Variants in CCSER1 observed in about 807,000 individuals in gnomAD.
CCSER1 encodes coiled-coil serine rich protein 1.
CCSER1 carries 41 observed loss-of-function variants against 82.0 expected under a neutral mutation model. That is an observed-to-expected ratio of 0.50 (90% CI 0.39 to 0.65). The LOEUF is 0.65. Ranked by LOEUF, CCSER1 falls within the 30% of genes least tolerant of loss-of-function variation. The pLI is 0.00. For missense variants in CCSER1, 1,119 were observed against 1,064.2 expected, an observed-to-expected ratio of 1.05 and a Z score of -0.72; for synonymous variants, 414 against 383.9, an observed-to-expected ratio of 1.08 and a Z score of -0.92.
intron 8 of CCSER1, among the ~76,000 whole-genome samples, chr4:90,893,773 GT>G (rs1451648366): frequency 2.3e-4 from 30 of 128,408 alleles, no homozygotes; most frequent in African/African-American, 8.8e-4. Context: ...GTGTGTGTGT[GT>G]GCGTGTGTGT....
intron 1 of CCSER1, among the ~76,000 whole-genome samples, chr4:90,284,582 C>T (rs1407447019): frequency 1.3e-5 from 2 of 151,486 alleles, no homozygotes; most frequent in African/African-American, 4.9e-5. Context: ...CAACCTCAGC[C>T]TCCTGGGCTT....
chr4:90,674,283 A>G (rs1733379063), intron 6 of CCSER1, among the ~76,000 whole-genome samples: 1 of 151,912 alleles, frequency 6.6e-6, no homozygotes, highest in South Asian at 2.1e-4. Flanking sequence ...CCCCAGAGGA[A>G]TCATTTACTC....
chr4:90,580,376 C>T (rs1781295230), intron 5 of CCSER1, among the ~76,000 whole-genome samples: 1 of 152,138 alleles, frequency 6.6e-6, no homozygotes, highest in South Asian at 2.1e-4. Context: ...ACTTACCTCA[C>T]TCTTAGTGTT....
chr4:90,261,238 T>C (rs983495205), intron 1 of CCSER1, among the ~76,000 whole-genome samples: 1 of 151,756 alleles, frequency 6.6e-6, no homozygotes, highest in African/African-American at 2.4e-5. Flanking sequence ...TTGGTGCACA[T>C]TGAGCTTTTG....
rs369745060 is a variant in CCSER1 at position 90,310,116 on chromosome 4, A to G, written c.1324+508A>G. On this transcript the variant is annotated intron_variant, in intron 2 of 10. Transcript: ENST00000509176. ...TATTAATTAGGATCCATGTTTCAAC[A>G]TAAATAATTCCTATCTCTAGATACA... Among the ~76,000 whole-genome samples the G allele has an allele frequency of 3.3e-5, 5 of 152,212 alleles. No individual in the cohort carries two copies. In the East Asian group the frequency reaches 7.7e-4, roughly 23 times the overall value.
chr4:91,555,835 G>C (rs1228108787), intron 10 of CCSER1, among the ~76,000 whole-genome samples: 2 of 151,098 alleles, frequency 1.3e-5, no homozygotes, highest in Non-Finnish European at 3.0e-5. Flanking sequence ...CATCAGAAAG[G>C]TCAATGTGCT....
Position 90,182,139 on chromosome 4 carries a change from T to A in CCSER1, c.-42+54308T>A, listed in dbSNP as rs1006814347. On this transcript the variant is annotated intron_variant, in intron 1 of 10. Coordinates refer to ENST00000509176, the MANE Select transcript of CCSER1 (RefSeq NM_001145065.2). The stretch of plus-strand genomic sequence containing the variant: ...CCTAAAGATAACTTTAATTATGTAC[T>A]ACAAATAAATTGTTTTTAACTTTAT... 1.1e-4 allele frequency among the ~76,000 whole-genome samples: 16 copies of A among 152,310 alleles called. No individual in the cohort carries two copies. The East Asian group carries it at 2.7e-3, about 26-fold the overall frequency.
chr4:91,060,911 G>A (rs755908475), intron 9 of CCSER1, among the ~76,000 whole-genome samples: 5 of 151,962 alleles, frequency 3.3e-5, no homozygotes, highest in Non-Finnish European at 2.9e-5. Flanking sequence ...GAAATGTCCA[G>A]TTTTCATAAA....
At chr4:91,356,735 G>A (rs1748860772) in intron 10 of CCSER1, among the ~76,000 whole-genome samples, 1 of 152,078 alleles carries the variant, frequency 6.6e-6, no homozygotes, top group African/African-American at 2.4e-5. Flanking sequence ...ATCCCTTCAG[G>A]TCTCCAAGGA....
intron 10 of CCSER1, among the ~76,000 whole-genome samples, chr4:91,202,890 G>T (rs72872992): frequency 0.14 from 8,213 of 58,136 alleles, 442 homozygotes; most frequent in African/African-American, 0.29. Context: ...TGTTTTTCAG[G>T]ATTTATGATT....
intron 9 of CCSER1, among the ~76,000 whole-genome samples, chr4:90,955,257 T>G (rs1733319670): frequency 6.6e-6 from 1 of 152,188 alleles, no homozygotes; most frequent in African/African-American, 2.4e-5. Context: ...GGATATCAGA[T>G]GCTTGTAATG....
intron 6 of CCSER1, among the ~76,000 whole-genome samples, chr4:90,664,525 G>A (rs1272324975): frequency 6.6e-6 from 1 of 152,134 alleles, no homozygotes; most frequent in Non-Finnish European, 1.5e-5. Flanking sequence ...CACATTAATA[G>A]TTATAATAAT....
At chr4:90,682,570 A>C (rs909123770) in intron 6 of CCSER1, among the ~76,000 whole-genome samples, 1 of 151,916 alleles carries the variant, frequency 6.6e-6, no homozygotes, top group African/African-American at 2.4e-5. Flanking sequence ...TTTCTAAAAT[A>C]TCAATTATGG....
chr4:91,362,270 T>C (rs116128894), intron 10 of CCSER1, among the ~76,000 whole-genome samples: 2,594 of 151,940 alleles, frequency 0.017, 69 homozygotes, highest in African/African-American at 0.058. Context: ...GCTGAGCCTG[T>C]AGTGTCTGAG....
chr4:91,043,512 T>C (rs1402266201), intron 9 of CCSER1, among the ~76,000 whole-genome samples: 3 of 149,902 alleles, frequency 2.0e-5, no homozygotes, highest in African/African-American at 4.9e-5. Flanking sequence ...GTAAAACATA[T>C]AGAGCGTCCA....
rs72885076 is a variant in CCSER1, at chr4:90,539,886, A to G, written c.1724+71532A>G. Among the ~76,000 whole-genome samples, 1,480 of 151,908 alleles carry G rather than the reference A, an allele frequency of 9.7e-3. 25 individuals carry two copies. Among genetic ancestry groups the G allele is most frequent in the African/African-American group, 0.034 (1,401 of 41,434 alleles). ...GTGTAGAGGTCAGTGTGTGGTTTAT[A>G]TAAGTAGTAGTAATTTACTTGAATG... is the stretch of plus-strand genomic sequence containing the variant. On this transcript the variant is annotated intron_variant, in intron 5 of 10. Coordinates refer to ENST00000509176, the MANE Select transcript of CCSER1 (RefSeq NM_001145065.2).
chr4:90,991,663 A>G (rs1442384284), intron 9 of CCSER1, among the ~76,000 whole-genome samples: 2 of 151,994 alleles, frequency 1.3e-5, no homozygotes, highest in African/African-American at 2.4e-5. Context: ...CTCATTTTAA[A>G]TTAATTACAT....
chr4:91,309,151 C>A (rs534807550), intron 10 of CCSER1, among the ~76,000 whole-genome samples: 2 of 152,086 alleles, frequency 1.3e-5, no homozygotes, highest in African/African-American at 4.8e-5. Context: ...TATTTTAAAT[C>A]TTGTCCGTCC....
chr4:91,445,190 A>C (rs1178411261), intron 10 of CCSER1, among the ~76,000 whole-genome samples: 1 of 152,184 alleles, frequency 6.6e-6, no homozygotes, highest in Admixed American at 6.5e-5. Flanking sequence ...TAATTCCTGT[A>C]GGGCTTTTCT....
Sources: allele counts gnomAD v4.1 joint callset (sites outside exome capture counted in the v4.1 genomes callset), GRCh38; gene constraint gnomAD v4.1.1; transcripts MANE v1.5; gene names NCBI Gene and HGNC (gene_info 2026-07-23, HGNC 2026-07-21).